The following SERPINI1 variants were observed in gnomAD, a reference collection of about 807,000 sequenced individuals.
SERPINI1 encodes neuroserpin.
In SERPINI1, 19 loss-of-function variants were observed where a neutral mutation model predicts 41.1. The observed-to-expected ratio is 0.46, with a 90% CI of 0.32 to 0.68. The LOEUF (loss-of-function observed/expected upper bound fraction) is 0.68. Among genes scored for constraint, SERPINI1 ranks in the 30% least tolerant of loss-of-function variants. SERPINI1 has a pLI of 0.03. For missense variants in SERPINI1, 460 were observed against 479.2 expected (o/e 0.96, Z 0.37); for synonymous variants, 138 against 156.6 (o/e 0.88, Z 0.89).
intron 6 of SERPINI1, among the ~76,000 whole-genome samples, chr3:167,810,244 A>G (rs548090891): frequency 6.6e-6 from 1 of 152,246 alleles, no homozygotes; most frequent in South Asian, 2.1e-4. Context: ...CAAATAACAT[A>G]ACCTTGATGA....
intron 1 of SERPINI1, among the ~76,000 whole-genome samples, chr3:167,747,639 G>A (rs1725901652): frequency 6.8e-6 from 1 of 146,794 alleles, no homozygotes; most frequent in Non-Finnish European, 1.5e-5. Flanking sequence ...GCGAGACTAC[G>A]TCTCAAAACA....
chr3:167,764,107 G>C (rs1435315928), intron 1 of SERPINI1, among the ~76,000 whole-genome samples: 1 of 151,830 alleles, frequency 6.6e-6, no homozygotes, highest in Admixed American at 6.6e-5. Context: ...CAATTATAAT[G>C]GCTAAAAAGT....
chr3:167,806,709 A>G (rs1454846429), intron 5 of SERPINI1, among the ~76,000 whole-genome samples: 1 of 152,152 alleles, frequency 6.6e-6, no homozygotes, highest in African/African-American at 2.4e-5. Context: ...ATTGCAAAAT[A>G]GAATTTGGGT....
chr3:167,746,296 A>G (rs1376739116), intron 1 of SERPINI1, among the ~76,000 whole-genome samples: 1 of 152,192 alleles, frequency 6.6e-6, no homozygotes, highest in Non-Finnish European at 1.5e-5. Context: ...AATGGATTAC[A>G]GGCCTAAATG....
In SERPINI1 at chr3:167,807,231, A is replaced by G. The variant is rs1711679697; in HGVS notation, c.882-13A>G. The G allele has an allele frequency of 3.2e-6, 5 of 1,557,594 alleles. No homozygotes were observed. Among genetic ancestry groups the G allele is most frequent in the South Asian group, 1.1e-5 (1 of 89,850 alleles). On this transcript the variant is annotated splice_polypyrimidine_tract_variant and intron_variant, in intron 5 of 8. Transcript: ENST00000446050. The stretch of plus-strand genomic sequence containing the variant: ...GCTCTAACTAAATATTTTTCTCCCT[A>G]TGTGTTCTCCAGGTTCACAGTGGAA...
At chr3:167,781,829 G>A (rs770523929) in intron 1 of SERPINI1, among the ~76,000 whole-genome samples, 2 of 151,546 alleles carry the variant, frequency 1.3e-5, no homozygotes, top group Admixed American at 6.6e-5. Flanking sequence ...GAACTACCAG[G>A]GAAGTTAAAA....
At chr3:167,767,752 T>C (rs559668537) in intron 1 of SERPINI1, among the ~76,000 whole-genome samples, 10 of 152,310 alleles carry the variant, frequency 6.6e-5, no homozygotes, top group Admixed American at 3.9e-4. Flanking sequence ...GAGGGGTTCA[T>C]TGAAGTCTTC....
intron 1 of SERPINI1, among the ~76,000 whole-genome samples, chr3:167,753,253 T>C (rs1726098556): frequency 6.6e-6 from 1 of 152,116 alleles, no homozygotes; most frequent in Non-Finnish European, 1.5e-5. Context: ...TCTGAGCCCC[T>C]AGATTGTAAG....
intron 5 of SERPINI1, among the ~76,000 whole-genome samples, chr3:167,803,674 A>G (rs1711523251): frequency 6.6e-6 from 1 of 152,180 alleles, no homozygotes; most frequent in African/African-American, 2.4e-5. Context: ...CTAGTGTTTC[A>G]TCACTAAAGT....
At chr3:167,747,693 T>C (rs1725905756) in intron 1 of SERPINI1, among the ~76,000 whole-genome samples, 1 of 152,174 alleles carries the variant, frequency 6.6e-6, no homozygotes, top group South Asian at 2.1e-4. Context: ...CTTAAAAGGG[T>C]ACATTTTATG....
At chr3:167,757,281 C>T (rs934095777) in intron 1 of SERPINI1, among the ~76,000 whole-genome samples, 4 of 152,054 alleles carry the variant, frequency 2.6e-5, no homozygotes, top group African/African-American at 9.7e-5. Flanking sequence ...TGCTTATATC[C>T]GTGGTGTTTG....
intron 1 of SERPINI1, among the ~76,000 whole-genome samples, chr3:167,764,014 A>T (rs949432834): frequency 3.2e-5 from 4 of 125,812 alleles, no homozygotes; most frequent in African/African-American, 1.6e-4. Flanking sequence ...CTAGGATCTA[A>T]ATCTTAACTC....
intron 1 of SERPINI1, among the ~76,000 whole-genome samples, chr3:167,780,365 C>A (rs1727082496): frequency 1.3e-5 from 2 of 152,150 alleles, no homozygotes; most frequent in South Asian, 4.1e-4. Context: ...CCTGAGGTTA[C>A]ACAGCTAATT....
rs568023637 is a variant in SERPINI1, at chr3:167,821,632, C to A, written c.980-1354C>A. ...CCGGGCTGGTAGCACAAGCCAAGTG[C>A]AGCCTGCCAGGCCGAGTGGGCACAA... On this transcript the variant is annotated intron_variant, in intron 6 of 8. Transcript: ENST00000446050. Among the ~76,000 whole-genome samples, 5 of 152,182 alleles carry A rather than the reference C, an allele frequency of 3.3e-5. No individual in the cohort carries two copies. The South Asian group carries it at 1.0e-3, about 32-fold the overall frequency.
intron 1 of SERPINI1, among the ~76,000 whole-genome samples, chr3:167,788,850 G>A (rs927309042): frequency 6.6e-6 from 1 of 152,156 alleles, no homozygotes; most frequent in African/African-American, 2.4e-5. Flanking sequence ...TATTTGGCGA[G>A]GCTATGAAAA....
At chr3:167,803,601 C>T (rs1373466994) in intron 5 of SERPINI1, among the ~76,000 whole-genome samples, 1 of 152,114 alleles carries the variant, frequency 6.6e-6, no homozygotes, top group Non-Finnish European at 1.5e-5. Flanking sequence ...CAAAACTGAG[C>T]CTCAGAAATT....
intron 1 of SERPINI1, among the ~76,000 whole-genome samples, chr3:167,778,556 C>G (rs1727028854): frequency 6.6e-6 from 1 of 152,188 alleles, no homozygotes; most frequent in East Asian, 1.9e-4. Context: ...AATCACTGAT[C>G]TGGGTGGCAT....
At chr3:167,790,258 C>A (rs1727456301) in intron 2 of SERPINI1, 114 bp from the exon 3 acceptor site, 2 of 747,790 alleles carry the variant, frequency 2.7e-6, no homozygotes, top group Non-Finnish European at 4.7e-6. Flanking sequence ...TGGCACTTTT[C>A]CCCCAGGTGC....
At chr3:167,799,014 T>C (rs1727805326) in intron 5 of SERPINI1, among the ~76,000 whole-genome samples, 1 of 152,162 alleles carries the variant, frequency 6.6e-6, no homozygotes, top group Admixed American at 6.5e-5. Flanking sequence ...TTTTTATTTT[T>C]TCATATTAAA....
Sources: allele counts gnomAD v4.1 joint callset (sites outside exome capture counted in the v4.1 genomes callset), GRCh38; gene constraint gnomAD v4.1.1; transcripts MANE v1.5; gene names NCBI Gene and HGNC (gene_info 2026-07-23, HGNC 2026-07-21).